Variants in GRK4 observed in about 807,000 individuals in gnomAD.
The protein encoded by GRK4 is G protein-coupled receptor kinase 4.
A neutral mutation model predicts 77.9 loss-of-function variants in GRK4; 73 were observed. The observed-to-expected ratio is 0.94, with a 90% CI of 0.78 to 1.14. The LOEUF is 1.14. Among genes scored for constraint, GRK4 ranks in the 50% most tolerant of loss-of-function variants. The probability of loss-of-function intolerance (pLI) is 0.00; values close to 1 mark genes in which losing one functional copy is unlikely to be tolerated. For missense variants in GRK4, 729 were observed against 700.2 expected, an observed-to-expected ratio of 1.04 and a Z score of -0.46; for synonymous variants, 257 against 254.4, an observed-to-expected ratio of 1.01 and a Z score of -0.10.
intron 1 of GRK4, among the ~76,000 whole-genome samples, chr4:2,981,751 G>A (rs538551205): frequency 6.6e-6 from 1 of 152,352 alleles, no homozygotes; most frequent in African/African-American, 2.4e-5. Context: ...TCTATCCCTG[G>A]CTTGAAGGTG....
intron 12 of GRK4, among the ~76,000 whole-genome samples, chr4:3,034,063 C>CT (rs1739908606): frequency 6.6e-6 from 1 of 152,198 alleles, no homozygotes; most frequent in South Asian, 2.1e-4. Context: ...GTCCAAATGA[C>CT]TCATTCTCAG....
intron 13 of GRK4, 55 bp downstream of exon 13, chr4:3,035,578 G>C: frequency 1.3e-6 from 2 of 1,530,586 alleles, no homozygotes; most frequent in Non-Finnish European, 1.8e-6. Context: ...CGCACAGCAC[G>C]GTTTTTCTCT....
At position 3,013,732 on chromosome 4, in the gene GRK4, C is replaced by T. The variant is rs1231466138; in HGVS notation, c.645C>T (p.Cys215=). Reference sequence around the variant, plus strand: ...GAGCCACAGGAAAAATGTATGCCTGCAAAAAGCTACAAAAAAAAAGAATAA... The same window carrying T: ...GAGCCACAGGAAAAATGTATGCCTGTAAAAAGCTACAAAAAAAAAGAATAA... ...QVRATGKMYA[C]KKLQKKRIKK... Residue 215 remains cysteine, a synonymous_variant, in exon 8 of 16, where the codon TGC becomes TGT. Coordinates refer to ENST00000398052, the MANE Select transcript of GRK4 (RefSeq NM_182982.3). 1 of 1,611,254 alleles carries T rather than the reference C, an allele frequency of 6.2e-7. No homozygotes were observed.
At chr4:3,016,747 A>C (rs1173847718) in intron 8 of GRK4, among the ~76,000 whole-genome samples, 1 of 152,068 alleles carries the variant, frequency 6.6e-6, no homozygotes, top group African/African-American at 2.4e-5. Flanking sequence ...CAAAACAAAA[A>C]AAACCCCCGT....
intron 1 of GRK4, among the ~76,000 whole-genome samples, chr4:2,972,542 T>TTCTC (rs149550794): frequency 2.0e-5 from 3 of 150,246 alleles, no homozygotes; most frequent in African/African-American, 4.9e-5. Context: ...GGGCCCTTTC[T>TTCTC]TCTCTCTCTC....
At chr4:3,006,285 C>A (rs766149776) in intron 5 of GRK4, among the ~76,000 whole-genome samples, 1 of 149,882 alleles carries the variant, frequency 6.7e-6, no homozygotes, top group Non-Finnish European at 1.5e-5. Context: ...AAGGCTGAGG[C>A]GGGAGAATCG....
chr4:2,979,717 A>AC (rs1221324558), intron 1 of GRK4, among the ~76,000 whole-genome samples: 2 of 151,478 alleles, frequency 1.3e-5, no homozygotes, highest in East Asian at 1.9e-4. Flanking sequence ...CCGTCCCCCT[A>AC]CCCCCCCAAA....
At chr4:3,023,986 C>T (rs1372464463) in intron 10 of GRK4, among the ~76,000 whole-genome samples, 1 of 152,164 alleles carries the variant, frequency 6.6e-6, no homozygotes, top group Non-Finnish European at 1.5e-5. Context: ...ACACTGATAA[C>T]CTTTTTCTGT....
chr4:2,995,965 A>G (rs927989102), intron 4 of GRK4, among the ~76,000 whole-genome samples: 2 of 152,220 alleles, frequency 1.3e-5, no homozygotes, highest in Non-Finnish European at 2.9e-5. Context: ...TCTAGGGACC[A>G]CTAGCAAGTG....
In GRK4 at chr4:3,007,719, A is replaced by T. The variant is rs752967682; in HGVS notation, c.444-17A>T. On this transcript the variant is annotated splice_polypyrimidine_tract_variant and intron_variant, in intron 5 of 15. Transcript: ENST00000398052. Reference sequence around the variant, plus strand: ...TAATACAACAAATGTATATAATTTTAAAAAATCTTTTTCTAGAGTTGCCCA... The same window carrying T: ...TAATACAACAAATGTATATAATTTTTAAAAATCTTTTTCTAGAGTTGCCCA... 2.0e-6 allele frequency: 3 copies of T among 1,510,524 alleles called. No homozygotes were observed. The highest frequency in any genetic ancestry group is 2.7e-6 in the Non-Finnish European group (3 of 1,103,268). 93.6% of individuals were successfully genotyped at this position (1,510,524 alleles called of 1,614,324 possible). A position where few individuals can be genotyped will look rare whatever the true frequency, so the allele number is the denominator to read the frequency against.
At chr4:3,012,970 C>T (rs758824177) in intron 7 of GRK4, among the ~76,000 whole-genome samples, 1 of 151,842 alleles carries the variant, frequency 6.6e-6, no homozygotes, top group Non-Finnish European at 1.5e-5. Flanking sequence ...GGTGAAATCC[C>T]GTCTTTACTA....
chr4:2,969,344 TTTC>T (rs965070127), intron 1 of GRK4: 3 of 151,576 alleles, frequency 2.0e-5, no homozygotes, highest in African/African-American at 7.3e-5. Flanking sequence ...CTGGCCAAAT[TTTC>T]TTTTCTTTTC....
chr4:2,979,846 C>G (rs1472684775), intron 1 of GRK4, among the ~76,000 whole-genome samples: 1 of 152,168 alleles, frequency 6.6e-6, no homozygotes, highest in Non-Finnish European at 1.5e-5. Flanking sequence ...TGCATTCTAG[C>G]CTGGGTGACA....
At chr4:3,024,672 C>T (rs1736956824) in intron 10 of GRK4, among the ~76,000 whole-genome samples, 1 of 152,048 alleles carries the variant, frequency 6.6e-6, no homozygotes, top group Admixed American at 6.6e-5. Context: ...CCAGCCTGGC[C>T]AACATGGTGA....
Position 2,964,118 on chromosome 4 carries a change from T to C in GRK4, c.48T>C (p.Arg16=), listed in dbSNP as rs1378799969. The change falls in exon 1 of 16, where the codon CGT becomes CGC. Residue 16 remains arginine, a synonymous_variant. Transcript: ENST00000398052. ...CCAACTCGCTGCTGCTGAAAGCGCG[T>C]CAAGGTGGGTGCGCGGCAGGCGCCC... ...IVANSLLLKA[R]QGGYGKKSGR... 1 of 1,601,962 alleles carries C rather than the reference T, an allele frequency of 6.2e-7. No individual in the cohort carries two copies. Among genetic ancestry groups the C allele is most frequent in the East Asian group, 2.3e-5 (1 of 44,418 alleles).
At chr4:2,974,891 A>T (rs1335727989) in intron 1 of GRK4, among the ~76,000 whole-genome samples, 1 of 152,200 alleles carries the variant, frequency 6.6e-6, no homozygotes, top group African/African-American at 2.4e-5. Flanking sequence ...GACTCTGCAT[A>T]ATGGGAGTGC....
At position 3,036,616 on chromosome 4, in the gene GRK4, G is replaced by A. The variant is rs1374121409; in HGVS notation, c.1408-758G>A. 2.6e-5 allele frequency among the ~76,000 whole-genome samples: 4 copies of A among 152,226 alleles called. No individual in the cohort carries two copies. The East Asian group carries it at 7.7e-4, about 29-fold the overall frequency. On this transcript the variant is annotated intron_variant, in intron 13 of 15. Coordinates refer to ENST00000398052, the MANE Select transcript of GRK4 (RefSeq NM_182982.3). ...TGTACTGGCGGCAGGTGGAGACCCGGACCTTGGCACTCCCTCCTGCCTGCC... is the reference window on the plus strand; with the variant it reads ...TGTACTGGCGGCAGGTGGAGACCCGAACCTTGGCACTCCCTCCTGCCTGCC...
At chr4:2,979,652 G>A (rs1271143679) in intron 1 of GRK4, among the ~76,000 whole-genome samples, 3 of 152,198 alleles carry the variant, frequency 2.0e-5, no homozygotes. Context: ...GGCGGAGGTT[G>A]TGGTGAGCCA....
chr4:3,025,635 G>A (rs1376230131), intron 10 of GRK4, among the ~76,000 whole-genome samples: 4 of 151,674 alleles, frequency 2.6e-5, no homozygotes, highest in Admixed American at 2.0e-4. Context: ...CTTGTGATCC[G>A]CCCGCCTCGG....
Sources: allele counts gnomAD v4.1 joint callset (sites outside exome capture counted in the v4.1 genomes callset), GRCh38; gene constraint gnomAD v4.1.1; transcripts MANE v1.5; gene names NCBI Gene and HGNC (gene_info 2026-07-23, HGNC 2026-07-21).